Variants in EIF4E3 observed in about 807,000 individuals in gnomAD.
EIF4E3 encodes eukaryotic translation initiation factor 4E type 3.
In EIF4E3, 26 loss-of-function variants were observed where a neutral mutation model predicts 31.7. The ratio of observed to expected loss-of-function variants is 0.82; its 90% CI spans 0.60 to 1.14. The LOEUF (loss-of-function observed/expected upper bound fraction) is 1.14. Ranked by LOEUF, EIF4E3 falls within the 50% of genes most tolerant of loss-of-function variation. EIF4E3 has a pLI of 0.00. For missense variants in EIF4E3, 304 were observed against 270.9 expected, an observed-to-expected ratio of 1.12 and a Z score of -0.86; for synonymous variants, 128 against 107.7, an observed-to-expected ratio of 1.19 and a Z score of -1.17.
intron 2 of EIF4E3, among the ~76,000 whole-genome samples, chr3:71,701,758 A>G (rs1416315411): frequency 1.3e-5 from 2 of 152,222 alleles, no homozygotes; most frequent in African/African-American, 2.4e-5. Context: ...AATTAACTGC[A>G]AAGGTGGCAA....
intron 5 of EIF4E3, among the ~76,000 whole-genome samples, chr3:71,693,362 C>T (rs755902851): frequency 2.0e-5 from 3 of 152,218 alleles, no homozygotes; most frequent in African/African-American, 4.8e-5. Flanking sequence ...ATGTCCCCAC[C>T]GACCACTCTA....
intron 2 of EIF4E3, among the ~76,000 whole-genome samples, chr3:71,708,803 G>C (rs1051884717): frequency 1.3e-5 from 2 of 152,158 alleles, no homozygotes; most frequent in African/African-American, 4.8e-5. Flanking sequence ...CAGAAGAGAC[G>C]TGCAGGGAGG....
chr3:71,696,891 TG>T (rs2049146055), intron 3 of EIF4E3, among the ~76,000 whole-genome samples: 1 of 151,366 alleles, frequency 6.6e-6, no homozygotes, highest in Non-Finnish European at 1.5e-5. Context: ...AAATTTTTTT[TG>T]TATTTTTAGT....
intron 3 of EIF4E3, among the ~76,000 whole-genome samples, chr3:71,699,263 A>G (rs553936703): frequency 2.0e-4 from 31 of 152,126 alleles, no homozygotes; most frequent in African/African-American, 3.6e-4. Flanking sequence ...ACAACAACAA[A>G]AAAAACCCCA....
At chr3:71,722,685 G>C (rs989552769) in intron 1 of EIF4E3, among the ~76,000 whole-genome samples, 6 of 152,176 alleles carry the variant, frequency 3.9e-5, no homozygotes, top group African/African-American at 1.4e-4. Flanking sequence ...TTACAGAGGA[G>C]TTCTCCAACT....
intron 1 of EIF4E3, among the ~76,000 whole-genome samples, chr3:71,733,137 C>G (rs1005262406): frequency 1.3e-5 from 2 of 152,264 alleles, no homozygotes; most frequent in East Asian, 1.9e-4. Context: ...TAGGACTGTT[C>G]CAATTTGAGC....
rs1194371066 is a variant in EIF4E3, at chr3:71,684,190, C to T, written c.*492G>A. ...GCTCACAGTACATAGGAATGTGTCACAACAAATAATCAGAAGACAGATTTC... is the reference window on the plus strand; with the variant it reads ...GCTCACAGTACATAGGAATGTGTCATAACAAATAATCAGAAGACAGATTTC... On this transcript the variant is annotated 3_prime_UTR_variant, in exon 7 of 7. Transcript: ENST00000425534. The T allele has an allele frequency of 6.5e-6, 1 of 152,948 alleles. No homozygotes were observed. The highest frequency in any genetic ancestry group is 2.4e-5 in the African/African-American group (1 of 41,392). The allele number at this position is 152,948 out of a possible 1,614,324, so 9.5% of individuals were successfully genotyped here.
intron 1 of EIF4E3, among the ~76,000 whole-genome samples, chr3:71,710,714 A>T (rs1306008891): frequency 2.6e-5 from 4 of 152,206 alleles, no homozygotes; most frequent in East Asian, 1.9e-4. Context: ...CTTAACAGAA[A>T]AAAAAAGATA....
downstream of EIF4E3, among the ~76,000 whole-genome samples, chr3:71,674,170 A>T (rs896676418): frequency 7.7e-6 from 1 of 129,752 alleles, no homozygotes; most frequent in African/African-American, 3.0e-5. Flanking sequence ...GCAGTGGCAT[A>T]ATCCCAGCTG....
intron 3 of EIF4E3, among the ~76,000 whole-genome samples, 174 bp from the exon 4 acceptor site, chr3:71,696,694 G>A (rs1418220235): frequency 6.6e-6 from 1 of 151,104 alleles, no homozygotes; most frequent in African/African-American, 2.4e-5. Context: ...CATAATAGTT[G>A]CACATATTTA....
chr3:71,697,046 CA>C (rs762080424), intron 3 of EIF4E3, among the ~76,000 whole-genome samples: 1 of 151,558 alleles, frequency 6.6e-6, no homozygotes, highest in Non-Finnish European at 1.5e-5. Context: ...GACTAGGTCT[CA>C]CTCTGTCACC....
At chr3:71,699,573 T>G in intron 3 of EIF4E3, 41 bp downstream of exon 3, 1 of 1,549,020 alleles carries the variant, frequency 6.5e-7, no homozygotes, top group Non-Finnish European at 8.9e-7. Flanking sequence ...CACAAACATT[T>G]TCCTCCCACC....
At chr3:71,750,896 T>C (rs1194180576) in intron 1 of EIF4E3, among the ~76,000 whole-genome samples, 3 of 151,842 alleles carry the variant, frequency 2.0e-5, no homozygotes, top group African/African-American at 4.8e-5. Flanking sequence ...CCTGAGTAGC[T>C]GGGACTACAG....
Position 71,690,009 on chromosome 3 carries a change from C to T in EIF4E3, c.628+1G>A. The T allele has an allele frequency of 2.5e-6, 4 of 1,604,348 alleles. No individual in the cohort carries two copies. The highest frequency in any genetic ancestry group is 3.4e-6 in the Non-Finnish European group (4 of 1,175,380). On this transcript the variant is annotated splice_donor_variant, in intron 6 of 6. Coordinates refer to ENST00000425534, the MANE Select transcript of EIF4E3 (RefSeq NM_001134651.2). LOFTEE classifies it high-confidence loss of function. Reference sequence around the variant, plus strand: ...GTAATAACTGGAAATGAAGCACTTACGTTTATAAAATACTGCTTTAAAAGT... The same window carrying T: ...GTAATAACTGGAAATGAAGCACTTATGTTTATAAAATACTGCTTTAAAAGT...
chr3:71,690,959 A>G lies in EIF4E3; in HGVS notation c.473-794T>C, dbSNP rs193178267. Reference sequence around the variant, plus strand: ...GACTTTTTTTAAAAAACAAAATTCCAGATTAGGGCTGTCTTGCACATAGTT... The same window carrying G: ...GACTTTTTTTAAAAAACAAAATTCCGGATTAGGGCTGTCTTGCACATAGTT... On this transcript the variant is annotated intron_variant, in intron 5 of 6. Coordinates refer to ENST00000425534, the MANE Select transcript of EIF4E3 (RefSeq NM_001134651.2). Among the ~76,000 whole-genome samples, 38 of 152,330 alleles carry G rather than the reference A, an allele frequency of 2.5e-4. No individual in the cohort carries two copies. The East Asian group carries it at 7.1e-3, about 29-fold the overall frequency.
At chr3:71,752,916 G>T (rs144673333) in intron 1 of EIF4E3, among the ~76,000 whole-genome samples, 1 of 152,158 alleles carries the variant, frequency 6.6e-6, no homozygotes, top group Non-Finnish European at 1.5e-5. Flanking sequence ...TGCCCTTTCA[G>T]GCTTACCCAG....
chr3:71,684,492 G>T lies in EIF4E3; in HGVS notation c.*190C>A, dbSNP rs186368414. On this transcript the variant is annotated 3_prime_UTR_variant, in exon 7 of 7. Coordinates refer to ENST00000425534, the MANE Select transcript of EIF4E3 (RefSeq NM_001134651.2). ...TTTTTTAAAAAGCAAGTAATGTGAC[G>T]GTAGAAACCCACACAATCTCCCCCC... 2.2e-6 allele frequency: 1 copy of T among 453,618 alleles called. No homozygotes were observed. 28.1% of individuals were successfully genotyped at this position (453,618 alleles called of 1,614,324 possible).
chr3:71,736,759 T>G (rs2049767701), intron 1 of EIF4E3, among the ~76,000 whole-genome samples: 1 of 152,178 alleles, frequency 6.6e-6, no homozygotes, highest in Admixed American at 6.5e-5. Context: ...TCAAAACCCA[T>G]AGAATATACA....
At chr3:71,722,152 T>C (rs2049561585) in intron 1 of EIF4E3, among the ~76,000 whole-genome samples, 1 of 152,094 alleles carries the variant, frequency 6.6e-6, no homozygotes, top group Non-Finnish European at 1.5e-5. Context: ...GCTGGGCAAC[T>C]GGAAGGATAG....
Sources: gnomAD v4.1 joint callset for allele counts (sites outside exome capture counted in the v4.1 genomes callset) on GRCh38, gnomAD v4.1.1 for gene constraint, MANE v1.5 for transcripts, NCBI Gene and HGNC (gene_info 2026-07-23, HGNC 2026-07-21) for gene names.